The following LRFN2 variants were observed in gnomAD, a reference collection of about 807,000 sequenced individuals.
LRFN2 encodes the protein leucine rich repeat and fibronectin type III domain containing 2.
Under a neutral mutation model 37.3 loss-of-function variants are expected in LRFN2, and 18 were observed. That is an observed-to-expected ratio of 0.48 (90% CI 0.33 to 0.72). LRFN2 has a LOEUF of 0.72. Among genes scored for constraint, LRFN2 ranks in the 30% least tolerant of loss-of-function variants. The pLI, the probability that LRFN2 is intolerant of heterozygous loss-of-function variation, is 0.02. For missense variants in LRFN2, 1,006 were observed against 1,060.7 expected, an observed-to-expected ratio of 0.95 and a Z score of 0.72; for synonymous variants, 556 against 466.6, an observed-to-expected ratio of 1.19 and a Z score of -2.47.
chr6:40,469,841 C>T (rs1258354696), intron 1 of LRFN2, among the ~76,000 whole-genome samples: 1 of 152,142 alleles, frequency 6.6e-6, no homozygotes, highest in Non-Finnish European at 1.5e-5. Flanking sequence ...GCCTTGTCCC[C>T]CCAAGAGCTG....
intron 1 of LRFN2, among the ~76,000 whole-genome samples, chr6:40,507,330 C>T (rs2113881885): frequency 6.6e-6 from 1 of 152,312 alleles, no homozygotes; most frequent in South Asian, 2.1e-4. Flanking sequence ...TAACAAAACA[C>T]AGATGGGGTT....
chr6:40,551,307 T>A (rs1581791022), intron 1 of LRFN2, among the ~76,000 whole-genome samples: 1 of 152,318 alleles, frequency 6.6e-6, no homozygotes, highest in Middle Eastern at 3.4e-3. Context: ...GGAACTCACA[T>A]TCTTCAAGAA....
chr6:40,531,006 T>C lies in LRFN2; in HGVS notation c.-19+55935A>G, dbSNP rs1176226555. Among the ~76,000 whole-genome samples the C allele has an allele frequency of 2.6e-5, 4 of 152,174 alleles. No individual in the cohort carries two copies. The South Asian group carries it at 6.2e-4, about 24-fold the overall frequency. ...AAAGCATGTTTGTTGAAATACCAGA[T>C]GCATCCAAAAAAGCATGCATATTAT... is the stretch of plus-strand genomic sequence containing the variant. On this transcript the variant is annotated intron_variant, in intron 1 of 2. Transcript: ENST00000338305.
At chr6:40,512,270 T>G (rs1437947521) in intron 1 of LRFN2, among the ~76,000 whole-genome samples, 1 of 152,170 alleles carries the variant, frequency 6.6e-6, no homozygotes, top group Non-Finnish European at 1.5e-5. Flanking sequence ...GTACTTACCC[T>G]CCCATTGCCC....
chr6:40,569,148 G>T (rs1256625511), intron 1 of LRFN2, among the ~76,000 whole-genome samples: 1 of 152,210 alleles, frequency 6.6e-6, no homozygotes. Context: ...TAGCTTGGTA[G>T]CCAGGGAGCT....
chr6:40,582,764 T>C (rs1767427003), intron 1 of LRFN2, among the ~76,000 whole-genome samples: 2 of 118,640 alleles, frequency 1.7e-5, no homozygotes, highest in Admixed American at 1.6e-4. Context: ...ACTGTGTCCT[T>C]ACTAAAACTT....
chr6:40,438,325 G>A (rs569547016), intron 1 of LRFN2, among the ~76,000 whole-genome samples: 15 of 152,108 alleles, frequency 9.9e-5, no homozygotes, highest in Non-Finnish European at 2.1e-4. Context: ...ACCCCACAAG[G>A]TGAGTGCCAC....
At chr6:40,500,410 G>A (rs953578558) in intron 1 of LRFN2, among the ~76,000 whole-genome samples, 73 of 152,346 alleles carry the variant, frequency 4.8e-4, no homozygotes, top group African/African-American at 1.7e-3. Context: ...TCAGGCCGAG[G>A]GGCAGGCGGC....
intron 1 of LRFN2, among the ~76,000 whole-genome samples, chr6:40,492,334 G>A (rs972430343): frequency 1.4e-4 from 22 of 152,050 alleles, no homozygotes; most frequent in Admixed American, 6.5e-4. Context: ...CTTCCTGCTC[G>A]GCTGTCCCCG....
At chr6:40,582,429 C>A (rs2113801102) in intron 1 of LRFN2, among the ~76,000 whole-genome samples, 2 of 152,050 alleles carry the variant, frequency 1.3e-5, no homozygotes, top group South Asian at 4.2e-4. Flanking sequence ...GGCTCTCCTG[C>A]AGACAATCCC....
At chr6:40,558,603 ACCTTGTGGAGTTTGGGG>A (rs1766933985) in intron 1 of LRFN2, among the ~76,000 whole-genome samples, 1 of 152,066 alleles carries the variant, frequency 6.6e-6, no homozygotes, top group South Asian at 2.1e-4. Context: ...AGAGTTCCTG[ACCTTGTGGAGTTTGGGG>A]CCCAGTGGGG....
intron 1 of LRFN2, among the ~76,000 whole-genome samples, chr6:40,454,930 T>C (rs550003899): frequency 6.6e-6 from 1 of 152,298 alleles, no homozygotes; most frequent in Non-Finnish European, 1.5e-5. Flanking sequence ...AGCACATCTA[T>C]TTATCTTCTA....
At position 40,491,272 on chromosome 6, in the gene LRFN2, C is replaced by T. The variant is rs190763277; in HGVS notation, c.-18-58141G>A. On this transcript the variant is annotated intron_variant, in intron 1 of 2. Coordinates refer to ENST00000338305, the MANE Select transcript of LRFN2 (RefSeq NM_020737.3). ...TCTTTCCTCTTTCCTTGGGACCCCACGAATTTAACAATATTCCCTGGGTGC... is the reference window on the plus strand; with the variant it reads ...TCTTTCCTCTTTCCTTGGGACCCCATGAATTTAACAATATTCCCTGGGTGC... Among the ~76,000 whole-genome samples the T allele has an allele frequency of 2.1e-3, 324 of 152,302 alleles. 3 individuals are homozygous for T. Among genetic ancestry groups the T allele is most frequent in the African/African-American group, 7.1e-3 (297 of 41,562 alleles).
rs940236789 is a variant in LRFN2, at chr6:40,545,747, G to A, written c.-19+41194C>T. Reference sequence around the variant, plus strand: ...AAGCAGGGGAAAAGGATGAGGCAGAGGCACTTGGAGGAGGAATGAAGCCAG... The same window carrying A: ...AAGCAGGGGAAAAGGATGAGGCAGAAGCACTTGGAGGAGGAATGAAGCCAG... On this transcript the variant is annotated intron_variant, in intron 1 of 2. Coordinates refer to ENST00000338305, the MANE Select transcript of LRFN2 (RefSeq NM_020737.3). Among the ~76,000 whole-genome samples the A allele has an allele frequency of 1.2e-4, 18 of 152,280 alleles. 1 individual carries two copies. Among genetic ancestry groups the A allele is most frequent in the African/African-American group, 4.3e-4 (18 of 41,566 alleles).
At position 40,496,619 on chromosome 6, in the gene LRFN2, T is replaced by A. The variant is rs142002387; in HGVS notation, c.-18-63488A>T. On this transcript the variant is annotated intron_variant, in intron 1 of 2. Transcript: ENST00000338305. ...CTCATCATTTGGCTCTCAGGTCAGA[T>A]GCAGTGTCCTCAGAGAGGCCTCTCA... 4.6e-4 allele frequency among the ~76,000 whole-genome samples: 70 copies of A among 152,200 alleles called. 1 individual carries two copies. The highest frequency in any genetic ancestry group is 1.7e-3 in the African/African-American group (69 of 41,550).
At chr6:40,585,812 A>G (rs971547983) in intron 1 of LRFN2, among the ~76,000 whole-genome samples, 5 of 151,132 alleles carry the variant, frequency 3.3e-5, no homozygotes, top group African/African-American at 1.2e-4. Flanking sequence ...CACAGCTGCC[A>G]CCTCCCTGAA....
chr6:40,463,670 ATTTTTTT>A (rs66745321), intron 1 of LRFN2, among the ~76,000 whole-genome samples: 25 of 76,534 alleles, frequency 3.3e-4, no homozygotes, highest in African/African-American at 5.1e-4. Context: ...CTTTCTTTCT[ATTTTTTT>A]TTTTTTTTTT....
At chr6:40,498,702 G>C (rs1581752365) in intron 1 of LRFN2, among the ~76,000 whole-genome samples, 1 of 152,138 alleles carries the variant, frequency 6.6e-6, no homozygotes, top group African/African-American at 2.4e-5. Flanking sequence ...TCACTATTTA[G>C]GTTCTTGGGG....
At chr6:40,408,116 G>T (rs1201668920) in intron 2 of LRFN2, among the ~76,000 whole-genome samples, 1 of 152,126 alleles carries the variant, frequency 6.6e-6, no homozygotes, top group Admixed American at 6.5e-5. Flanking sequence ...CAGAGTTTTA[G>T]TTTGGGGTGA....
Sources: gnomAD v4.1 joint callset for allele counts (sites outside exome capture counted in the v4.1 genomes callset) on GRCh38, gnomAD v4.1.1 for gene constraint, MANE v1.5 for transcripts, NCBI Gene and HGNC (gene_info 2026-07-23, HGNC 2026-07-21) for gene names.